Variants in ZBTB34 observed in about 807,000 individuals in gnomAD.
ZBTB34 encodes zinc finger and BTB domain-containing protein 34.
ZBTB34 carries 1 observed loss-of-function variant against 33.4 expected under a neutral mutation model. The observed-to-expected ratio is 0.03, with a 90% confidence interval of 0.01 to 0.14. The LOEUF (loss-of-function observed/expected upper bound fraction) is 0.14, where lower values mean the gene tolerates loss of function less well. Among genes scored for constraint, ZBTB34 ranks in the 10% least tolerant of loss-of-function variants. The pLI is 1.00. For synonymous variants in ZBTB34, 283 were observed against 253.5 expected (o/e 1.12, Z -1.11); for missense variants, 406 against 657.2 (o/e 0.62, Z 4.18).
In ZBTB34 at chr9:126,861,533, G is replaced by A. The variant is rs115425514; in HGVS notation, c.-11+794G>A. On this transcript the variant is annotated intron_variant, in intron 1 of 1. Coordinates refer to ENST00000319119, the Ensembl canonical transcript of ZBTB34. ...TGCCATTCCGTGTATGTCTCAAATT[G>A]GAAGGGCTGTCCCTGATTCAAGATA... Among the ~76,000 whole-genome samples, 1,127 of 152,298 alleles carry A rather than the reference G, an allele frequency of 7.4e-3. 9 individuals are homozygous for A. Among genetic ancestry groups the A allele is most frequent in the African/African-American group, 0.026 (1,078 of 41,538 alleles).
At chr9:126,874,208 ATT>A (rs759143140) in intron 1 of ZBTB34, among the ~76,000 whole-genome samples, 9 of 135,180 alleles carry the variant, frequency 6.7e-5, no homozygotes, top group African/African-American at 5.4e-5. Flanking sequence ...TGCCCGGCTA[ATT>A]TTTTTTTTTT....
rs924849061 is a variant in ZBTB34, at chr9:126,880,502, A to G, written c.1103A>G (p.His368Arg). The change falls in exon 2 of 2, where the codon CAT becomes CGT. Residue 368 changes from histidine (H) to arginine (R), a missense_variant. Transcript: ENST00000319119. The surrounding 1 kb of genome is among the most constrained non-coding windows in gnomAD (Gnocchi z 6.7). ...CCCCGGGAGAGGAGTGCGAGAGGGC[A>G]TTGGTACCCGTACAATGAGAGGTTG... is the stretch of plus-strand genomic sequence containing the variant. 1.9e-6 allele frequency: 3 copies of G among 1,613,878 alleles called. No homozygotes were observed. The highest frequency in any genetic ancestry group is 2.2e-5 in the South Asian group (2 of 91,086).
intron 1 of ZBTB34, among the ~76,000 whole-genome samples, chr9:126,862,780 T>A (rs2033158513): frequency 6.6e-6 from 1 of 152,204 alleles, no homozygotes; most frequent in South Asian, 2.1e-4. Context: ...GGAGTTTTTT[T>A]AAGGGCATTG....
intron 1 of ZBTB34, among the ~76,000 whole-genome samples, chr9:126,867,447 C>CTTTTTTTTTTTTTTTTTTTTTTTTTTTT (rs201325256): frequency 8.4e-6 from 1 of 119,512 alleles, no homozygotes; most frequent in Non-Finnish European, 1.8e-5. Flanking sequence ...TGTCATTTTT[C>CTTTTTTTTTTTTTTTTTTTTTTTTTTTT]TTTTTTTTTT....
At chr9:126,884,450 TG>T in exon 2 of ZBTB34, 1 of 164,566 alleles carries the variant, frequency 6.1e-6, no homozygotes, top group East Asian at 2.3e-4. Flanking sequence ...TTGGCAGTTG[TG>T]TTTTTTGTTG....
At position 126,880,281 on chromosome 9, in the gene ZBTB34, A is replaced by T. The variant is rs767982019; in HGVS notation, c.882A>T (p.Ser294=). 3 of 1,613,954 alleles carry T rather than the reference A, an allele frequency of 1.9e-6. No homozygotes were observed. The Admixed American group carries it at 5.0e-5, about 27-fold the overall frequency. Residue 294 remains serine, a synonymous_variant, in exon 2 of 2, where the codon TCA becomes TCT. Transcript: ENST00000319119. This position sits in a 1 kb window ranked among gnomAD's most constrained non-coding sequence, Gnocchi z 6.7. ...CATACTCCTATTCCCAAGCAGCCTC[A>T]CAGCCAACCAATGTATCAGAAGCTT... is the stretch of plus-strand genomic sequence containing the variant.
rs149699043 is a variant in ZBTB34, at chr9:126,881,383, CTAT to C, written c.*476_*478del. 9.9e-3 allele frequency: 1,593 copies of C among 160,622 alleles called. 98 individuals carry two copies. In the East Asian group the frequency reaches 0.18, roughly 18 times the overall value. 9.9% of individuals were successfully genotyped at this position (160,622 alleles called of 1,614,324 possible). ...CAATTTATATATATATATAATAAAA[CTAT>C]TATTATATATATAGTATATATACAT... is the stretch of plus-strand genomic sequence containing the variant. On this transcript the variant is annotated 3_prime_UTR_variant, in exon 2 of 2. Transcript: ENST00000319119.
exon 2 of ZBTB34, chr9:126,882,793 GT>G (rs1163314373): frequency 1.2e-5 from 2 of 167,136 alleles, no homozygotes; most frequent in East Asian, 3.9e-4. Flanking sequence ...ATTTGTTTTT[GT>G]TTTTGTTTTT....
chr9:126,867,066 T>C (rs1424561223), intron 1 of ZBTB34, among the ~76,000 whole-genome samples: 1 of 152,012 alleles, frequency 6.6e-6, no homozygotes, highest in Non-Finnish European at 1.5e-5. Context: ...CTCTTCTTAA[T>C]AGCTGCGTAG....
intron 1 of ZBTB34, among the ~76,000 whole-genome samples, chr9:126,866,316 C>G (rs2033201063): frequency 6.6e-6 from 1 of 152,146 alleles, no homozygotes; most frequent in South Asian, 2.1e-4. Context: ...AGACACCATG[C>G]CTCAGTCTCC....
At chr9:126,878,578 G>A (rs2033392992) in intron 1 of ZBTB34, among the ~76,000 whole-genome samples, 2 of 152,120 alleles carry the variant, frequency 1.3e-5, no homozygotes, top group East Asian at 1.9e-4. Context: ...CAGAGCTGAA[G>A]GGCAAACACA....
chr9:126,860,819 TC>T (rs1277513962), intron 1 of ZBTB34, 80 bp downstream of exon 1: 5 of 139,774 alleles, frequency 3.6e-5, no homozygotes, highest in Admixed American at 1.4e-4. Flanking sequence ...CGGGGGGCAG[TC>T]CCCGGGCCGC....
intron 1 of ZBTB34, chr9:126,863,772 G>A (rs1258907167): frequency 9.6e-6 from 9 of 940,288 alleles, no homozygotes; most frequent in Non-Finnish European, 1.1e-5. Flanking sequence ...TCCAGGGCCA[G>A]TGCCCCTGAA....
intron 1 of ZBTB34, among the ~76,000 whole-genome samples, chr9:126,876,631 A>G (rs2033367741): frequency 6.6e-6 from 1 of 152,106 alleles, no homozygotes; most frequent in South Asian, 2.1e-4. Flanking sequence ...TCTTTCTGCT[A>G]TTTGTCATCT....
At chr9:126,875,488 C>T (rs1034779719) in intron 1 of ZBTB34, among the ~76,000 whole-genome samples, 2 of 152,100 alleles carry the variant, frequency 1.3e-5, no homozygotes, top group Non-Finnish European at 2.9e-5. Flanking sequence ...TGTTCTCTCT[C>T]TTCATTTATA....
Position 126,880,851 on chromosome 9 carries a change from G to A in ZBTB34, c.1452G>A (p.Ser484=), listed in dbSNP as rs1307556200. The A allele has an allele frequency of 3.7e-6, 6 of 1,613,050 alleles. No homozygotes were observed. The highest frequency in any genetic ancestry group is 5.1e-6 in the Non-Finnish European group (6 of 1,179,822). Residue 484 remains serine, a synonymous_variant, in exon 2 of 2, where the codon TCG becomes TCA. Coordinates refer to ENST00000319119, the Ensembl canonical transcript of ZBTB34. The surrounding 1 kb of genome is among the most constrained non-coding windows in gnomAD (Gnocchi z 6.7). ...AACAGAAACTAGAAAATGACGCATC[G>A]GCCTCAGAGATGGGCCTAGATTCCC...
At chr9:126,872,903 G>C (rs944396579) in intron 1 of ZBTB34, among the ~76,000 whole-genome samples, 1 of 152,134 alleles carries the variant, frequency 6.6e-6, no homozygotes, top group Non-Finnish European at 1.5e-5. Flanking sequence ...TAATCATGGC[G>C]TTCCGTTTTT....
chr9:126,876,189 T>TCC (rs1564224366), intron 1 of ZBTB34, among the ~76,000 whole-genome samples: 1 of 336 alleles, frequency 3.0e-3, no homozygotes, highest in Non-Finnish European at 5.0e-3. Context: ...CTTTCCCCCT[T>TCC]CCCTCCTTTC....
At chr9:126,872,577 G>GT (rs1265435054) in intron 1 of ZBTB34, among the ~76,000 whole-genome samples, 2 of 152,150 alleles carry the variant, frequency 1.3e-5, no homozygotes, top group Non-Finnish European at 2.9e-5. Flanking sequence ...TTGTGCCTAC[G>GT]TAAGAGGCTC....
Sources: allele counts gnomAD v4.1 joint callset (sites outside exome capture counted in the v4.1 genomes callset), GRCh38; gene constraint gnomAD v4.1.1; non-coding constraint Gnocchi (gnomAD v3.1); transcripts MANE v1.5; gene names NCBI Gene and HGNC (gene_info 2026-07-23, HGNC 2026-07-21).